The following SULF2 variants were observed in gnomAD, a reference collection of about 807,000 sequenced individuals.
SULF2 encodes extracellular sulfatase Sulf-2.
SULF2 carries 52 observed loss-of-function variants against 107.7 expected under a neutral mutation model. The observed-to-expected ratio is 0.48, with a 90% CI of 0.39 to 0.61. The LOEUF is 0.61. Ranked by LOEUF, SULF2 falls within the 20% of genes least tolerant of loss-of-function variation. SULF2 has a pLI of 0.00. For synonymous variants in SULF2, 460 were observed against 464.3 expected (o/e 0.99, Z 0.12); for missense variants, 993 against 1,177.3 (o/e 0.84, Z 2.29).
At chr20:47,675,893 G>C (rs1352622462) in intron 10 of SULF2, among the ~76,000 whole-genome samples, 1 of 152,082 alleles carries the variant, frequency 6.6e-6, no homozygotes, top group Non-Finnish European at 1.5e-5. Flanking sequence ...TTAGAGACAG[G>C]GTCTTATTCT....
intron 3 of SULF2, among the ~76,000 whole-genome samples, chr20:47,732,710 G>A (rs6122608): frequency 0.35 from 53,265 of 152,048 alleles, 10,977 homozygotes; most frequent in African/African-American, 0.58. Context: ...GGGCGTGGTG[G>A]CACGCACCTG....
chr20:47,705,676 T>C (rs1316317194), intron 3 of SULF2, among the ~76,000 whole-genome samples: 1 of 152,128 alleles, frequency 6.6e-6, no homozygotes, highest in African/African-American at 2.4e-5. Context: ...GCTGTTGATA[T>C]CTGGTGGGTG....
At chr20:47,777,536 G>A (rs1224174484) in intron 1 of SULF2, among the ~76,000 whole-genome samples, 2 of 152,124 alleles carry the variant, frequency 1.3e-5, no homozygotes, top group African/African-American at 4.8e-5. Flanking sequence ...ACCAGCGCCT[G>A]GACTCCCCTG....
At chr20:47,742,869 C>A (rs2089917952) in intron 2 of SULF2, among the ~76,000 whole-genome samples, 1 of 149,660 alleles carries the variant, frequency 6.7e-6, no homozygotes, top group Non-Finnish European at 1.5e-5. Flanking sequence ...TAAGTCAGAG[C>A]AAACACTATC....
intron 2 of SULF2, among the ~76,000 whole-genome samples, chr20:47,744,290 C>A (rs2089956266): frequency 6.6e-6 from 1 of 152,188 alleles, no homozygotes; most frequent in South Asian, 2.1e-4. Flanking sequence ...TCAAGCGATT[C>A]TCCTGCCTCA....
At chr20:47,773,119 A>G (rs1219263904) in intron 1 of SULF2, among the ~76,000 whole-genome samples, 1 of 152,204 alleles carries the variant, frequency 6.6e-6, no homozygotes, top group African/African-American at 2.4e-5. Context: ...CCTGGGAGCT[A>G]TGTGCGACTC....
intron 3 of SULF2, among the ~76,000 whole-genome samples, chr20:47,734,594 G>A (rs1424585305): frequency 6.6e-6 from 1 of 152,174 alleles, no homozygotes; most frequent in Non-Finnish European, 1.5e-5. Context: ...AAACTATACA[G>A]GGTATGTGGC....
At chr20:47,778,070 G>A (rs957590145) in intron 1 of SULF2, among the ~76,000 whole-genome samples, 3 of 152,278 alleles carry the variant, frequency 2.0e-5, no homozygotes, top group Non-Finnish European at 2.9e-5. Context: ...GAGCTTGGGA[G>A]GTTGAGGTGG....
chr20:47,768,675 G>C (rs1170341602), intron 1 of SULF2, among the ~76,000 whole-genome samples: 1 of 152,218 alleles, frequency 6.6e-6, no homozygotes, highest in Non-Finnish European at 1.5e-5. Flanking sequence ...TGGAAAAGCG[G>C]AAGGAACGTG....
chr20:47,669,026 CCT>C (rs1341969571), intron 11 of SULF2, among the ~76,000 whole-genome samples: 1 of 152,192 alleles, frequency 6.6e-6, no homozygotes, highest in Non-Finnish European at 1.5e-5. Context: ...AGCCGCCACC[CCT>C]CTCTGCTAGT....
intron 10 of SULF2, among the ~76,000 whole-genome samples, chr20:47,673,457 C>G (rs911141501): frequency 6.6e-6 from 1 of 152,168 alleles, no homozygotes; most frequent in African/African-American, 2.4e-5. Flanking sequence ...GGTGCAAGAG[C>G]TGTAAGGAAA....
chr20:47,741,354 C>G (rs1223112773), intron 2 of SULF2, among the ~76,000 whole-genome samples: 1 of 151,906 alleles, frequency 6.6e-6, no homozygotes, highest in East Asian at 1.9e-4. Flanking sequence ...GCTGTTCCTT[C>G]TGCCTGGAAG....
intron 4 of SULF2, among the ~76,000 whole-genome samples, chr20:47,691,175 C>T (rs6125076): frequency 0.87 from 131,833 of 152,224 alleles, 57,558 homozygotes; most frequent in African/African-American, 0.97. Flanking sequence ...ATCCCTAAGT[C>T]CCTGGGGTGC....
In SULF2 at chr20:47,745,401, A is replaced by T. The variant is rs1277522045; in HGVS notation, c.176-8459T>A. On this transcript the variant is annotated intron_variant, in intron 2 of 20. Coordinates refer to ENST00000688720, the MANE Select transcript of SULF2 (RefSeq NM_001387048.1). ...TTGAGGGAAAAAAAAAAAAAAAAAAAAAAAAAAAAATATATATATATATAT... is the reference window on the plus strand; with the variant it reads ...TTGAGGGAAAAAAAAAAAAAAAAAATAAAAAAAAAATATATATATATATAT... Among the ~76,000 whole-genome samples the T allele has an allele frequency of 2.2e-3, 87 of 38,756 alleles. 3 individuals are homozygous for T. Among genetic ancestry groups the T allele is most frequent in the African/African-American group, 0.016 (84 of 5,270 alleles). The allele number at this position is 38,756 out of a possible 152,430, so 25.4% of individuals were successfully genotyped here.
chr20:47,721,993 G>T (rs1316070006), intron 3 of SULF2, among the ~76,000 whole-genome samples: 1 of 152,082 alleles, frequency 6.6e-6, no homozygotes, highest in African/African-American at 2.4e-5. Flanking sequence ...TTTCAGCTGG[G>T]GTCACCACAC....
chr20:47,662,668 T>C (rs2087115497), intron 17 of SULF2, among the ~76,000 whole-genome samples: 1 of 152,186 alleles, frequency 6.6e-6, no homozygotes, highest in South Asian at 2.1e-4. Flanking sequence ...CGGAAGCACT[T>C]AGCAGAGTGC....
At chr20:47,705,799 CTTTTCTTTTT>C (rs1436806784) in intron 3 of SULF2, among the ~76,000 whole-genome samples, 2 of 112,482 alleles carry the variant, frequency 1.8e-5, no homozygotes, top group Non-Finnish European at 3.9e-5. Flanking sequence ...CTTTTCTTTT[CTTTTCTTTTT>C]TTTTTTTTTG....
chr20:47,745,552 G>A (rs1015475449), intron 2 of SULF2, among the ~76,000 whole-genome samples: 1 of 149,978 alleles, frequency 6.7e-6, no homozygotes, highest in South Asian at 2.1e-4. Context: ...ATTTGAGACA[G>A]AGTTTCTCTC....
chr20:47,679,833 A>G (rs2087765626), intron 7 of SULF2, among the ~76,000 whole-genome samples: 2 of 152,142 alleles, frequency 1.3e-5, no homozygotes, highest in Non-Finnish European at 2.9e-5. Flanking sequence ...GATACCCAAC[A>G]CAAGGCCCCT....
Sources: gnomAD v4.1 joint callset for allele counts (sites outside exome capture counted in the v4.1 genomes callset) on GRCh38, gnomAD v4.1.1 for gene constraint, MANE v1.5 for transcripts, NCBI Gene and HGNC (gene_info 2026-07-23, HGNC 2026-07-21) for gene names.